The following NFATC2 variants were observed in gnomAD, a reference collection of about 807,000 sequenced individuals.
The protein encoded by NFATC2 is nuclear factor of activated T-cells, cytoplasmic 2.
In NFATC2, 22 loss-of-function variants were observed where a neutral mutation model predicts 87.3. That is an observed-to-expected ratio of 0.25 (90% CI 0.18 to 0.36). NFATC2 has a LOEUF of 0.36. NFATC2 is among the 10% of genes least tolerant of loss of function. NFATC2 has a pLI of 1.00. For missense variants in NFATC2, 1,149 were observed against 1,259.1 expected, an observed-to-expected ratio of 0.91 and a Z score of 1.32; for synonymous variants, 565 against 542.2, an observed-to-expected ratio of 1.04 and a Z score of -0.58.
intron 3 of NFATC2, among the ~76,000 whole-genome samples, chr20:51,481,176 G>A (rs1690416580): frequency 6.6e-6 from 1 of 152,186 alleles, no homozygotes; most frequent in South Asian, 2.1e-4. Context: ...GTCCCTGGAG[G>A]TTTGATGAGA....
chr20:51,480,959 T>G lies in NFATC2; in HGVS notation c.1333-5299A>C, dbSNP rs1363261781. Among the ~76,000 whole-genome samples the G allele has an allele frequency of 1.3e-5, 2 of 152,160 alleles. No homozygotes were observed. The highest frequency in any genetic ancestry group is 4.8e-5 in the African/African-American group (2 of 41,436). ...CTCCCATATGGGAAAGCCCAGGCAC[T>G]AATTGCAGTCTTCTCAGTGGGCTGG... On this transcript the variant is annotated intron_variant, in intron 3 of 10. Transcript: ENST00000371564. This position sits in a 1 kb window ranked among gnomAD's most constrained non-coding sequence, Gnocchi z 4.2.
chr20:51,410,026 C>T lies in NFATC2; in HGVS notation c.2723-11296G>A, dbSNP rs183358009. On this transcript the variant is annotated intron_variant, in intron 9 of 10. Transcript: ENST00000371564. ...GAGATGGAGACCATCCTGGCTAACA[C>T]GGTGAAACCCCGTCTCTACTAAAAA... Among the ~76,000 whole-genome samples the T allele has an allele frequency of 5.9e-3, 890 of 152,044 alleles. 9 individuals carry two copies. The highest frequency in any genetic ancestry group is 0.02 in the African/African-American group (836 of 41,478).
At chr20:51,414,259 AAAAT>A (rs201855120) in intron 9 of NFATC2, among the ~76,000 whole-genome samples, 2 of 152,176 alleles carry the variant, frequency 1.3e-5, no homozygotes, top group Non-Finnish European at 2.9e-5. Flanking sequence ...CAAGGGAGAA[AAAAT>A]AAATAAATAA....
At position 51,391,018 on chromosome 20, in the gene NFATC2, T is replaced by G; in HGVS notation, c.*478A>C. The stretch of plus-strand genomic sequence containing the variant: ...GGAAAAACGAACGCAAGGGCTGGGG[T>G]TTAATCACAGTGCCCACATCTTCTG... On this transcript the variant is annotated 3_prime_UTR_variant, in exon 11 of 11. Transcript: ENST00000371564. The G allele has an allele frequency of 2.7e-6, 1 of 365,788 alleles. No homozygotes were observed. The highest frequency in any genetic ancestry group is 2.3e-5 in the South Asian group (1 of 43,444). The allele number at this position is 365,788 out of a possible 1,614,324, so 22.7% of individuals were successfully genotyped here. A position where few individuals can be genotyped will look rare whatever the true frequency, so the allele number is the denominator to read the frequency against.
In NFATC2 at chr20:51,504,999, CTTTTTTTTTTTT is replaced by C. The variant is rs34489487; in HGVS notation, c.1332+11773_1332+11784del. On this transcript the variant is annotated intron_variant, in intron 3 of 10. Transcript: ENST00000371564. The stretch of plus-strand genomic sequence containing the variant: ...GGTCATGAAGAGTGCTATCTAGTTC[CTTTTTTTTTTTT>C]TTTTTTTTTTTTTTTTTTTTGAGAC... Among the ~76,000 whole-genome samples the C allele has an allele frequency of 6.7e-3, 489 of 72,510 alleles. 1 individual carries two copies. Among genetic ancestry groups the C allele is most frequent in the African/African-American group, 0.029 (448 of 15,606 alleles). 47.6% of individuals were successfully genotyped at this position (72,510 alleles called of 152,430 possible).
chr20:51,537,660 G>A (rs1176301727), intron 1 of NFATC2, among the ~76,000 whole-genome samples: 4 of 152,192 alleles, frequency 2.6e-5, no homozygotes, highest in Non-Finnish European at 5.9e-5. Context: ...CAAGTTGGGA[G>A]AAATAAGAGT....
intron 3 of NFATC2, among the ~76,000 whole-genome samples, chr20:51,505,299 C>T (rs1459399974): frequency 2.0e-5 from 3 of 151,720 alleles, no homozygotes; most frequent in Non-Finnish European, 2.9e-5. Context: ...GGATTACAGG[C>T]GTGAGCCACC....
intron 5 of NFATC2, among the ~76,000 whole-genome samples, chr20:51,455,292 C>A (rs1225299709): frequency 2.0e-5 from 3 of 152,184 alleles, no homozygotes; most frequent in Non-Finnish European, 4.4e-5. Flanking sequence ...CTAGAACATT[C>A]TGTCTCTCAG....
At chr20:51,401,029 G>A (rs1488896985) in intron 9 of NFATC2, among the ~76,000 whole-genome samples, 3 of 152,306 alleles carry the variant, frequency 2.0e-5, no homozygotes, top group East Asian at 1.9e-4. Flanking sequence ...CCCCAGCCAC[G>A]AGATGGGGAT....
intron 9 of NFATC2, among the ~76,000 whole-genome samples, chr20:51,417,478 C>G (rs1980200945): frequency 6.6e-6 from 1 of 152,180 alleles, no homozygotes; most frequent in Non-Finnish European, 1.5e-5. Context: ...TTGCTCTTCC[C>G]TCTGCCTGGA....
chr20:51,491,908 A>C (rs2075895612), intron 3 of NFATC2, among the ~76,000 whole-genome samples: 1 of 116,380 alleles, frequency 8.6e-6, no homozygotes, highest in Admixed American at 9.0e-5. Flanking sequence ...ACACACACAC[A>C]CACACACACA....
intron 1 of NFATC2, among the ~76,000 whole-genome samples, chr20:51,531,284 C>T (rs1292451151): frequency 2.6e-5 from 4 of 152,236 alleles, no homozygotes; most frequent in African/African-American, 4.8e-5. Context: ...TCATGACTCA[C>T]GCCCTCAACC....
intron 5 of NFATC2, among the ~76,000 whole-genome samples, chr20:51,469,345 C>T (rs548503739): frequency 2.0e-4 from 31 of 152,248 alleles, no homozygotes; most frequent in African/African-American, 6.0e-4. Context: ...ATACAACTCC[C>T]GGGTAATTCT....
intron 5 of NFATC2, among the ~76,000 whole-genome samples, chr20:51,460,580 C>A (rs1987034147): frequency 6.7e-6 from 1 of 150,160 alleles, no homozygotes; most frequent in African/African-American, 2.5e-5. Context: ...GTACACAGGT[C>A]ACCTCTGTGG....
intron 3 of NFATC2, among the ~76,000 whole-genome samples, chr20:51,493,239 C>T (rs995712271): frequency 6.6e-6 from 1 of 152,216 alleles, no homozygotes; most frequent in African/African-American, 2.4e-5. Flanking sequence ...GAAAAAAGCA[C>T]TTGTACATTT....
chr20:51,446,782 G>A (rs1389788531), intron 6 of NFATC2, among the ~76,000 whole-genome samples: 2 of 152,232 alleles, frequency 1.3e-5, no homozygotes, highest in African/African-American at 2.4e-5. Flanking sequence ...GAGCAGCTTC[G>A]TGTCCCAGCA....
intron 3 of NFATC2, among the ~76,000 whole-genome samples, chr20:51,494,243 A>G (rs563775250): frequency 1.2e-4 from 18 of 151,958 alleles, no homozygotes; most frequent in Non-Finnish European, 2.2e-4. Flanking sequence ...CTGAATTTCC[A>G]TGGGTTTGCT....
intron 9 of NFATC2, among the ~76,000 whole-genome samples, chr20:51,423,634 C>T (rs2146309362): frequency 6.6e-6 from 1 of 152,282 alleles, no homozygotes; most frequent in South Asian, 2.1e-4. Context: ...AAGAGAATAG[C>T]CTCATTTGGA....
At chr20:51,481,969 G>C (rs1035462494) in intron 3 of NFATC2, among the ~76,000 whole-genome samples, 39 of 152,254 alleles carry the variant, frequency 2.6e-4, no homozygotes, top group African/African-American at 8.9e-4. Context: ...CCCATTTTTA[G>C]ATGAGAACGG....
Sources: allele counts gnomAD v4.1 joint callset (sites outside exome capture counted in the v4.1 genomes callset), GRCh38; gene constraint gnomAD v4.1.1; non-coding constraint Gnocchi (gnomAD v3.1); transcripts MANE v1.5; gene names NCBI Gene and HGNC (gene_info 2026-07-23, HGNC 2026-07-21).